The following SEMA3E variants were observed in gnomAD, a reference collection of about 807,000 sequenced individuals.
SEMA3E encodes semaphorin 3E.
SEMA3E carries 49 observed loss-of-function variants against 93.6 expected under a neutral mutation model. That is an observed-to-expected ratio of 0.52 (90% confidence interval 0.42 to 0.66). The LOEUF is 0.66. Ranked by LOEUF, SEMA3E falls within the 30% of genes least tolerant of loss-of-function variation. The pLI, the probability that SEMA3E is intolerant of heterozygous loss-of-function variation, is 0.00. For synonymous variants in SEMA3E, 363 were observed against 330.7 expected (o/e 1.10, Z -1.06); for missense variants, 906 against 964.8 (o/e 0.94, Z 0.81).
intron 1 of SEMA3E, among the ~76,000 whole-genome samples, chr7:83,546,375 A>T (rs1553039): frequency 7.4e-6 from 1 of 135,280 alleles, no homozygotes; most frequent in Admixed American, 7.7e-5. Context: ...TTGAGAAAGG[A>T]GGGGAATATA....
Position 83,469,609 on chromosome 7 carries a change from G to A in SEMA3E, c.277-307C>T, listed in dbSNP as rs557271860. 1.8e-4 allele frequency among the ~76,000 whole-genome samples: 27 copies of A among 152,092 alleles called. No homozygotes were observed. In the South Asian group the frequency reaches 5.4e-3, roughly 30 times the overall value. On this transcript the variant is annotated intron_variant, in intron 2 of 16. Transcript: ENST00000643230. ...CCCTTTCCCATGTTAAACCTGAGTG[G>A]TGCTCCAACTCAGGCACCTCCTGCA...
chr7:83,629,894 C>G (rs1793752741), intron 1 of SEMA3E, among the ~76,000 whole-genome samples: 1 of 152,162 alleles, frequency 6.6e-6, no homozygotes, highest in Non-Finnish European at 1.5e-5. Context: ...CAGCTTTGTG[C>G]TTGAAACCCA....
At chr7:83,379,148 A>C (rs1353907981) in intron 16 of SEMA3E, among the ~76,000 whole-genome samples, 4 of 151,740 alleles carry the variant, frequency 2.6e-5, no homozygotes, top group Non-Finnish European at 5.9e-5. Flanking sequence ...AACTCAAACG[A>C]AAGTCAAATA....
At chr7:83,464,922 A>G (rs1332700612) in intron 4 of SEMA3E, among the ~76,000 whole-genome samples, 3 of 151,490 alleles carry the variant, frequency 2.0e-5, no homozygotes, top group East Asian at 2.0e-4. Flanking sequence ...TCTTATTAAT[A>G]TAAGAAGGCA....
At chr7:83,462,376 T>G (rs930242881) in intron 4 of SEMA3E, among the ~76,000 whole-genome samples, 3 of 152,170 alleles carry the variant, frequency 2.0e-5, no homozygotes, top group Non-Finnish European at 4.4e-5. Flanking sequence ...AATACTCTTT[T>G]AAGCACTCCT....
chr7:83,395,637 T>C (rs1218615769), intron 12 of SEMA3E, among the ~76,000 whole-genome samples: 1 of 152,170 alleles, frequency 6.6e-6, no homozygotes, highest in Non-Finnish European at 1.5e-5. Context: ...TCATGGACTA[T>C]GTAGTGCCAA....
intron 1 of SEMA3E, among the ~76,000 whole-genome samples, chr7:83,551,257 C>T (rs569586159): frequency 5.3e-5 from 8 of 152,108 alleles, no homozygotes; most frequent in African/African-American, 9.6e-5. Context: ...AGAAAAGTGG[C>T]TTTATGGACT....
chr7:83,568,587 C>G (rs1023413017), intron 1 of SEMA3E, among the ~76,000 whole-genome samples: 1 of 152,072 alleles, frequency 6.6e-6, no homozygotes, highest in African/African-American at 2.4e-5. Context: ...AACCAATAAT[C>G]ATAATACATA....
chr7:83,441,358 GTTTT>G, intron 4 of SEMA3E, among the ~76,000 whole-genome samples: 1 of 152,094 alleles, frequency 6.6e-6, no homozygotes, highest in Non-Finnish European at 1.5e-5. Context: ...CAATTTGTAT[GTTTT>G]TTTAAATAAT....
chr7:83,512,279 C>T (rs1790840529), intron 1 of SEMA3E, among the ~76,000 whole-genome samples: 1 of 152,126 alleles, frequency 6.6e-6, no homozygotes, highest in African/African-American at 2.4e-5. Flanking sequence ...AACACACTTC[C>T]TAGACAAAGA....
intron 5 of SEMA3E, among the ~76,000 whole-genome samples, chr7:83,413,621 T>C (rs1022753154): frequency 9.2e-5 from 14 of 152,186 alleles, no homozygotes; most frequent in African/African-American, 2.7e-4. Context: ...CTTAGGATGC[T>C]GAAAGAAACC....
chr7:83,605,093 T>C (rs1010796234), intron 1 of SEMA3E, among the ~76,000 whole-genome samples: 1 of 152,164 alleles, frequency 6.6e-6, no homozygotes, highest in Admixed American at 6.5e-5. Flanking sequence ...AATAAGCATA[T>C]GTGTGCATGT....
intron 1 of SEMA3E, among the ~76,000 whole-genome samples, chr7:83,611,487 A>G (rs946639624): frequency 1.3e-5 from 2 of 149,544 alleles, no homozygotes; most frequent in African/African-American, 4.9e-5. Context: ...TTAGGTCCTC[A>G]TCTAGCTACC....
intron 1 of SEMA3E, among the ~76,000 whole-genome samples, chr7:83,558,728 T>A (rs1791969335): frequency 6.6e-6 from 1 of 152,038 alleles, no homozygotes; most frequent in Non-Finnish European, 1.5e-5. Context: ...ATAATAAAAC[T>A]ACTTTAACAA....
intron 9 of SEMA3E, among the ~76,000 whole-genome samples, chr7:83,403,867 CCTT>C (rs1788277686): frequency 6.6e-6 from 1 of 151,846 alleles, no homozygotes; most frequent in African/African-American, 2.4e-5. Context: ...AAATATCAAT[CCTT>C]ATGTCAGGTA....
At chr7:83,452,141 G>A (rs1236098129) in intron 4 of SEMA3E, among the ~76,000 whole-genome samples, 15 of 152,066 alleles carry the variant, frequency 9.9e-5, no homozygotes, top group Non-Finnish European at 2.9e-5. Flanking sequence ...ATGTGTGTGT[G>A]TGTGTGTCTG....
intron 3 of SEMA3E, 46 bp downstream of exon 3, chr7:83,469,197 G>A (rs1309055416): frequency 2.1e-6 from 3 of 1,414,168 alleles, no homozygotes; most frequent in Non-Finnish European, 3.0e-6. Flanking sequence ...TGGTTAACTA[G>A]GGATATAATT....
intron 2 of SEMA3E, among the ~76,000 whole-genome samples, chr7:83,482,661 T>C (rs1790171737): frequency 6.6e-6 from 1 of 151,826 alleles, no homozygotes; most frequent in Admixed American, 6.6e-5. Flanking sequence ...CAGACACACT[T>C]TCACTCTTTC....
At chr7:83,488,610 G>T (rs527385641) in intron 2 of SEMA3E, among the ~76,000 whole-genome samples, 1 of 152,246 alleles carries the variant, frequency 6.6e-6, no homozygotes, top group Non-Finnish European at 1.5e-5. Flanking sequence ...AAACATGCAA[G>T]ACTCAACACT....
Sources: allele counts gnomAD v4.1 joint callset (sites outside exome capture counted in the v4.1 genomes callset), GRCh38; gene constraint gnomAD v4.1.1; transcripts MANE v1.5; gene names NCBI Gene and HGNC (gene_info 2026-07-23, HGNC 2026-07-21).